Variants in JAZF1 observed in about 807,000 individuals in gnomAD.
JAZF1 encodes the protein juxtaposed with another zinc finger protein 1.
In JAZF1, 8 loss-of-function variants were observed where a neutral mutation model predicts 26.4. The ratio of observed to expected loss-of-function variants is 0.30; its 90% CI spans 0.18 to 0.55. JAZF1 has a LOEUF of 0.55. JAZF1 is among the 20% of genes least tolerant of loss of function. The probability of loss-of-function intolerance (pLI) is 0.94; values close to 1 mark genes in which losing one functional copy is unlikely to be tolerated. For synonymous variants in JAZF1, 126 were observed against 122.3 expected (o/e 1.03, Z -0.20); for missense variants, 199 against 322.0 (o/e 0.62, Z 2.92).
intron 2 of JAZF1, among the ~76,000 whole-genome samples, chr7:27,972,645 G>A (rs1450331873): frequency 2.0e-5 from 3 of 152,146 alleles, no homozygotes; most frequent in Non-Finnish European, 2.9e-5. Flanking sequence ...CAGGATTATC[G>A]TTAGTGGTGA....
At chr7:27,970,773 C>A (rs189046829) in intron 2 of JAZF1, among the ~76,000 whole-genome samples, 214 of 152,286 alleles carry the variant, frequency 1.4e-3, no homozygotes, top group African/African-American at 4.9e-3. Flanking sequence ...ATTTTGACAA[C>A]AGCATTTTAA....
intron 1 of JAZF1, among the ~76,000 whole-genome samples, chr7:28,120,970 C>T (rs1214086403): frequency 4.6e-5 from 7 of 151,990 alleles, no homozygotes; most frequent in African/African-American, 1.2e-4. Context: ...GAGGCCAAGG[C>T]GGGTGGATCA....
At chr7:27,949,282 G>A (rs1423654165) in intron 2 of JAZF1, among the ~76,000 whole-genome samples, 1 of 152,222 alleles carries the variant, frequency 6.6e-6, no homozygotes, top group East Asian at 1.9e-4. Flanking sequence ...TGATCATGCT[G>A]TTCCTTGGGC....
chr7:28,055,176 A>T (rs79045301), intron 1 of JAZF1, among the ~76,000 whole-genome samples: 3,779 of 151,280 alleles, frequency 0.025, 151 homozygotes, highest in African/African-American at 0.083. Context: ...AAAAAAAAAA[A>T]TTTTTGCAAT....
chr7:27,934,003 C>T (rs987999182), intron 2 of JAZF1, among the ~76,000 whole-genome samples: 1 of 152,204 alleles, frequency 6.6e-6, no homozygotes, highest in African/African-American at 2.4e-5. Context: ...GAATGCACTT[C>T]CATTTAGGAA....
chr7:28,060,124 T>C (rs1363927760), intron 1 of JAZF1, among the ~76,000 whole-genome samples: 1 of 152,226 alleles, frequency 6.6e-6, no homozygotes, highest in Admixed American at 6.5e-5. Flanking sequence ...CTGTCATTGA[T>C]TGCCTATCAA....
intron 1 of JAZF1, among the ~76,000 whole-genome samples, chr7:28,149,385 A>AT (rs530609661): frequency 2.6e-5 from 4 of 152,184 alleles, no homozygotes; most frequent in African/African-American, 4.8e-5. Context: ...CAGTTCACCT[A>AT]TTTTTTTCCC....
At chr7:28,130,618 G>A (rs1231194640) in intron 1 of JAZF1, among the ~76,000 whole-genome samples, 4 of 152,128 alleles carry the variant, frequency 2.6e-5, no homozygotes, top group Non-Finnish European at 4.4e-5. Flanking sequence ...TTCCTCATCT[G>A]GAAAACATGG....
chr7:27,890,009 T>A lies in JAZF1; in HGVS notation c.385+5211A>T, dbSNP rs149457112. On this transcript the variant is annotated intron_variant, in intron 3 of 4. Coordinates refer to ENST00000283928, the MANE Select transcript of JAZF1 (RefSeq NM_175061.4). ...ATTTTCTCGTGTAACAAGATAATTGTGGTTAGTGCCTACAAAGCAGTCCAT... is the reference window on the plus strand; with the variant it reads ...ATTTTCTCGTGTAACAAGATAATTGAGGTTAGTGCCTACAAAGCAGTCCAT... Among the ~76,000 whole-genome samples, 707 of 152,264 alleles carry A rather than the reference T, an allele frequency of 4.6e-3. 3 individuals are homozygous for A. Among genetic ancestry groups the A allele is most frequent in the African/African-American group, 0.016 (672 of 41,536 alleles).
chr7:28,027,477 T>C (rs760698389), intron 1 of JAZF1, among the ~76,000 whole-genome samples: 14 of 152,218 alleles, frequency 9.2e-5, no homozygotes, highest in Non-Finnish European at 1.5e-4. Context: ...CATTGGCATA[T>C]TGATAAAGTT....
chr7:27,847,529 G>A (rs954762731), intron 3 of JAZF1, among the ~76,000 whole-genome samples: 5 of 152,144 alleles, frequency 3.3e-5, no homozygotes, highest in African/African-American at 1.2e-4. Flanking sequence ...ACCAATTACT[G>A]AAGAGACTAT....
intron 1 of JAZF1, among the ~76,000 whole-genome samples, chr7:28,095,027 A>G (rs938121231): frequency 6.6e-6 from 1 of 152,106 alleles, no homozygotes; most frequent in Non-Finnish European, 1.5e-5. Flanking sequence ...TGATACCCAC[A>G]TGTACCCCAA....
chr7:28,011,046 G>T (rs1396020545), intron 1 of JAZF1, among the ~76,000 whole-genome samples: 1 of 152,164 alleles, frequency 6.6e-6, no homozygotes, highest in Non-Finnish European at 1.5e-5. Flanking sequence ...ACCTGGCAGG[G>T]TGTTTCTGCT....
chr7:27,989,062 A>T (rs924318297), intron 2 of JAZF1, among the ~76,000 whole-genome samples: 15 of 152,266 alleles, frequency 9.9e-5, no homozygotes, highest in Non-Finnish European at 2.2e-4. Context: ...CAGTAACCAA[A>T]ACAGCATGGT....
chr7:27,938,105 C>T (rs1784785224), intron 2 of JAZF1, among the ~76,000 whole-genome samples: 1 of 152,198 alleles, frequency 6.6e-6, no homozygotes, highest in Non-Finnish European at 1.5e-5. Flanking sequence ...CTTTTTCTAT[C>T]ACAAACACTT....
At chr7:27,920,321 T>C (rs978443774) in intron 2 of JAZF1, among the ~76,000 whole-genome samples, 2 of 152,240 alleles carry the variant, frequency 1.3e-5, no homozygotes, top group African/African-American at 4.8e-5. Context: ...CAAGGGAGTC[T>C]TTATTTAGCT....
At chr7:27,846,277 G>A (rs1346830123) in intron 3 of JAZF1, among the ~76,000 whole-genome samples, 1 of 151,962 alleles carries the variant, frequency 6.6e-6, no homozygotes, top group East Asian at 1.9e-4. Flanking sequence ...GCAAATAGTA[G>A]GATCTCCTTT....
Position 27,830,590 on chromosome 7 carries a change from G to A in JAZF1, c.*2210C>T, listed in dbSNP as rs1380077894. 1 of 179,176 alleles carries A rather than the reference G, an allele frequency of 5.6e-6. No homozygotes were observed. The highest frequency in any genetic ancestry group is 1.2e-5 in the Non-Finnish European group (1 of 83,374). 11.1% of individuals were successfully genotyped at this position (179,176 alleles called of 1,614,324 possible). A position where few individuals can be genotyped will look rare whatever the true frequency, so the allele number is the denominator to read the frequency against. On this transcript the variant is annotated 3_prime_UTR_variant, in exon 5 of 5. Transcript: ENST00000283928. ...GAGCCATATTTATTTTTGGGTCAGA[G>A]GCAGTTTATTTTAAATGTGATTTCA...
At chr7:27,887,677 A>T (rs1336728089) in intron 3 of JAZF1, among the ~76,000 whole-genome samples, 2 of 152,160 alleles carry the variant, frequency 1.3e-5, no homozygotes, top group Non-Finnish European at 2.9e-5. Context: ...TGGACTCCCA[A>T]AGTGCTGGGA....
Sources: allele counts gnomAD v4.1 joint callset (sites outside exome capture counted in the v4.1 genomes callset), GRCh38; gene constraint gnomAD v4.1.1; transcripts MANE v1.5; gene names NCBI Gene and HGNC (gene_info 2026-07-23, HGNC 2026-07-21).